ALPL: variants seen among roughly 807,000 people sequenced by gnomAD.
ALPL encodes alkaline phosphatase, tissue-nonspecific isozyme.
Under a neutral mutation model 51.3 loss-of-function variants are expected in ALPL, and 42 were observed. That is an observed-to-expected ratio of 0.82 (90% CI 0.64 to 1.06). The LOEUF is 1.06. ALPL is among the 50% of genes least tolerant of loss of function. The pLI is 0.00. For synonymous variants in ALPL, 279 were observed against 296.4 expected, an observed-to-expected ratio of 0.94 and a Z score of 0.60; for missense variants, 589 against 709.4, an observed-to-expected ratio of 0.83 and a Z score of 1.93.
At chr1:21,518,190 T>C (rs1008821329) in intron 1 of ALPL, among the ~76,000 whole-genome samples, 1 of 151,930 alleles carries the variant, frequency 6.6e-6, no homozygotes, top group Non-Finnish European at 1.5e-5. Flanking sequence ...CTCATCACTG[T>C]CTAGGCTTAA....
At chr1:21,530,777 ATTTTTTTT>A (rs71016918) in intron 1 of ALPL, among the ~76,000 whole-genome samples, 2 of 111,870 alleles carry the variant, frequency 1.8e-5, no homozygotes, top group African/African-American at 3.4e-5. Context: ...CAAGCTTTGA[ATTTTTTTT>A]TTTTTTTTTT....
intron 1 of ALPL, among the ~76,000 whole-genome samples, chr1:21,546,062 C>T (rs1373517888): frequency 6.6e-6 from 1 of 152,162 alleles, no homozygotes; most frequent in East Asian, 1.9e-4. Context: ...GATCCACCCA[C>T]CTCAGCCTCC....
intron 6 of ALPL, among the ~76,000 whole-genome samples, chr1:21,567,185 CAGTGTCAGCCAGGCTCTGCACTCCCAA>C (rs1644577439): frequency 1.3e-5 from 2 of 152,140 alleles, no homozygotes; most frequent in Non-Finnish European, 2.9e-5. Context: ...GATCTGGGGC[CAGTGTCAGCCAGGCTCTGCACTCCCAA>C]GGTGTCAGCC....
At chr1:21,554,631 C>T (rs1644375653) in intron 2 of ALPL, among the ~76,000 whole-genome samples, 1 of 151,328 alleles carries the variant, frequency 6.6e-6, no homozygotes, top group Admixed American at 6.6e-5. Context: ...GCTGGGACTA[C>T]AGGTGCCCGC....
At chr1:21,557,586 G>T (rs1644429863) in intron 2 of ALPL, among the ~76,000 whole-genome samples, 1 of 152,218 alleles carries the variant, frequency 6.6e-6, no homozygotes, top group African/African-American at 2.4e-5. Context: ...ACGTTCAGCA[G>T]TTCAACTTTT....
intron 6 of ALPL, 39 bp from the exon 7 acceptor site, chr1:21,568,064 CT>C: frequency 6.2e-7 from 1 of 1,613,748 alleles, no homozygotes; most frequent in East Asian, 2.2e-5. Flanking sequence ...TTCTGGGCAT[CT>C]TGGAACCCTG....
chr1:21,524,779 G>C (rs961648714), intron 1 of ALPL, among the ~76,000 whole-genome samples: 15 of 152,210 alleles, frequency 9.9e-5, no homozygotes, highest in African/African-American at 3.6e-4. Context: ...TTGCTGGGAG[G>C]CTCCGAGGCT....
Position 21,576,610 on chromosome 1 carries a change from T to C in ALPL, c.1278T>C (p.Gly426=), listed in dbSNP as rs2148192597. Residue 426 remains glycine, a synonymous_variant, in exon 11 of 12, where the codon GGT becomes GGC. Transcript: ENST00000374840. The part of the protein sequence containing the change: ...GNGPGYKVVG[G]ERENVSMVDY... ...GGCCTGGCTACAAGGTGGTGGGCGGTGAACGAGAGAATGTCTCCATGGTGG... is the reference window on the plus strand; with the variant it reads ...GGCCTGGCTACAAGGTGGTGGGCGGCGAACGAGAGAATGTCTCCATGGTGG... 1 of 1,613,754 alleles carries C rather than the reference T, an allele frequency of 6.2e-7. No homozygotes were observed. Among genetic ancestry groups the C allele is most frequent in the Non-Finnish European group, 8.5e-7 (1 of 1,179,884 alleles).
intron 11 of ALPL, among the ~76,000 whole-genome samples, chr1:21,576,928 G>A (rs1644745613): frequency 6.6e-6 from 1 of 152,166 alleles, no homozygotes; most frequent in African/African-American, 2.4e-5. Flanking sequence ...ATGACCAAAT[G>A]GGTCTGATGA....
chr1:21,574,962 G>A (rs1644706526), intron 9 of ALPL, among the ~76,000 whole-genome samples: 1 of 152,258 alleles, frequency 6.6e-6, no homozygotes, highest in Admixed American at 6.5e-5. Context: ...GTTAGCAAGG[G>A]AAGTGTTCCT....
intron 7 of ALPL, among the ~76,000 whole-genome samples, chr1:21,568,809 T>G (rs1037052674): frequency 6.6e-6 from 1 of 151,478 alleles, no homozygotes; most frequent in African/African-American, 2.4e-5. Context: ...ATGGAATAGA[T>G]TGGGGAAGGG....
Position 21,517,788 on chromosome 1 carries a change from A to G in ALPL, c.-105+8271A>G, listed in dbSNP as rs111536706. 6.3e-3 allele frequency among the ~76,000 whole-genome samples: 960 copies of G among 152,208 alleles called. 13 individuals carry two copies. The highest frequency in any genetic ancestry group is 0.021 in the African/African-American group (891 of 41,516). On this transcript the variant is annotated intron_variant, in intron 1 of 11. Coordinates refer to ENST00000374840, the MANE Select transcript of ALPL (RefSeq NM_000478.6). ...GGCCTTAGGATTTTTCGATTTGTGG[A>G]TGGCGAATAGCCAGCATGTCTCCTT...
chr1:21,509,215 C>T (rs1570143602), upstream of ALPL, among the ~76,000 whole-genome samples: 2 of 151,620 alleles, frequency 1.3e-5, no homozygotes, highest in East Asian at 2.0e-4. This position sits in a 1 kb window ranked among gnomAD's most constrained non-coding sequence, Gnocchi z 6.0. Flanking sequence ...GGCCGCGTCA[C>T]CCCAGCCCGT....
chr1:21,544,923 A>T (rs949039179), intron 1 of ALPL, among the ~76,000 whole-genome samples: 3 of 151,958 alleles, frequency 2.0e-5, no homozygotes, highest in African/African-American at 7.3e-5. Context: ...TTTTTCTTGT[A>T]AACAGGACAT....
chr1:21,571,415 G>A (rs1206420257), intron 8 of ALPL, among the ~76,000 whole-genome samples: 1 of 152,008 alleles, frequency 6.6e-6, no homozygotes, highest in Non-Finnish European at 1.5e-5. Flanking sequence ...GCTCATGCCT[G>A]TAATCCCAGC....
At chr1:21,563,348 T>G (rs1644514611) in intron 5 of ALPL, 64 bp downstream of exon 5, 1 of 1,535,950 alleles carries the variant, frequency 6.5e-7, no homozygotes, top group Non-Finnish European at 8.8e-7. Flanking sequence ...TCAGTCTTTC[T>G]GACTGTGTCA....
chr1:21,533,656 C>T (rs554242749), intron 1 of ALPL, among the ~76,000 whole-genome samples: 4 of 152,268 alleles, frequency 2.6e-5, no homozygotes, highest in African/African-American at 7.2e-5. Flanking sequence ...CACGGTGGCT[C>T]ACGCCTGTAA....
intron 1 of ALPL, among the ~76,000 whole-genome samples, chr1:21,536,894 T>C (rs1457042992): frequency 5.4e-4 from 18 of 33,282 alleles, no homozygotes; most frequent in African/African-American, 2.0e-3. Flanking sequence ...TCCTTCCCTT[T>C]TTTTTTTTTT....
In ALPL at chr1:21,576,260, TG is replaced by T. The variant is rs879310003; in HGVS notation, c.1190-260del. On this transcript the variant is annotated intron_variant, in intron 10 of 11. Coordinates refer to ENST00000374840, the MANE Select transcript of ALPL (RefSeq NM_000478.6). ...GATGGATGGATGGATGGATGATGGA[TG>T]GATGGATGGGTGGATGGATGGATGG... 0.26 allele frequency among the ~76,000 whole-genome samples: 13,262 copies of T among 50,338 alleles called. 663 individuals carry two copies. The highest frequency in any genetic ancestry group is 0.29 in the Non-Finnish European group (7,356 of 25,272). The allele number at this position is 50,338 out of a possible 152,430, so 33.0% of individuals were successfully genotyped here. A position where few individuals can be genotyped will look rare whatever the true frequency, so the allele number is the denominator to read the frequency against.
Sources: gnomAD v4.1 joint callset for allele counts (sites outside exome capture counted in the v4.1 genomes callset) on GRCh38, gnomAD v4.1.1 for gene constraint, Gnocchi (gnomAD v3.1) non-coding constraint, MANE v1.5 for transcripts, NCBI Gene and HGNC (gene_info 2026-07-23, HGNC 2026-07-21) for gene names.